The following CMIP variants were observed in gnomAD, a reference collection of about 807,000 sequenced individuals.
The protein encoded by CMIP is C-Maf-inducing protein.
Under a neutral mutation model 97.3 loss-of-function variants are expected in CMIP, and 13 were observed. The ratio of observed to expected loss-of-function variants is 0.13; its 90% CI spans 0.09 to 0.21. The LOEUF (loss-of-function observed/expected upper bound fraction) is 0.21, where lower values mean the gene tolerates loss of function less well. Among genes scored for constraint, CMIP ranks in the 10% least tolerant of loss-of-function variants. The probability of loss-of-function intolerance (pLI) is 1.00; values close to 1 mark genes in which losing one functional copy is unlikely to be tolerated. For missense variants in CMIP, 847 were observed against 1,024.9 expected, an observed-to-expected ratio of 0.83 and a Z score of 2.37; for synonymous variants, 538 against 436.3, an observed-to-expected ratio of 1.23 and a Z score of -2.91.
At chr16:81,596,196 T>C (rs1392015354) in intron 1 of CMIP, among the ~76,000 whole-genome samples, 3 of 152,138 alleles carry the variant, frequency 2.0e-5, no homozygotes, top group Non-Finnish European at 2.9e-5. Flanking sequence ...CTCTAGAAAA[T>C]CTGATTTATT....
intron 10 of CMIP, among the ~76,000 whole-genome samples, chr16:81,686,814 G>A (rs7200953): frequency 0.011 from 1,610 of 152,266 alleles, 23 homozygotes; most frequent in African/African-American, 0.037. Flanking sequence ...TCTATGTAAG[G>A]CACAGTTAGA....
intron 13 of CMIP, chr16:81,696,223 G>A (rs923179761): frequency 4.9e-5 from 19 of 390,796 alleles, no homozygotes; most frequent in African/African-American, 3.8e-4. Context: ...AAAGGGAAAA[G>A]GGGCTGATTG....
At chr16:81,519,784 A>T (rs1028343839) in intron 1 of CMIP, 1 of 152,214 alleles carries the variant, frequency 6.6e-6, no homozygotes, top group African/African-American at 2.4e-5. Context: ...CATCATGGAG[A>T]TGCCTCAGTG....
chr16:81,510,821 G>C (rs934289553), intron 1 of CMIP, among the ~76,000 whole-genome samples: 3 of 152,176 alleles, frequency 2.0e-5, no homozygotes, highest in Admixed American at 1.3e-4. Context: ...CCAGGTTCAA[G>C]CAATTCTCCT....
intron 1 of CMIP, among the ~76,000 whole-genome samples, chr16:81,493,198 A>T (rs2089432236): frequency 6.6e-6 from 1 of 152,084 alleles, no homozygotes. Context: ...TTCAGGGGTG[A>T]TGGAGCCACC....
At chr16:81,553,935 G>A (rs1169965026) in intron 1 of CMIP, among the ~76,000 whole-genome samples, 1 of 152,212 alleles carries the variant, frequency 6.6e-6, no homozygotes, top group Non-Finnish European at 1.5e-5. Context: ...CACCCTCCTA[G>A]GCACTGGAGC....
intron 1 of CMIP, among the ~76,000 whole-genome samples, chr16:81,492,984 G>T (rs1226792210): frequency 6.6e-6 from 1 of 152,128 alleles, no homozygotes; most frequent in Non-Finnish European, 1.5e-5. Flanking sequence ...TAGTAGGAGG[G>T]CATTGCTCCC....
intron 1 of CMIP, among the ~76,000 whole-genome samples, chr16:81,547,110 C>T (rs1446801343): frequency 6.6e-6 from 1 of 152,128 alleles, no homozygotes; most frequent in Non-Finnish European, 1.5e-5. Context: ...TGCCTGGGCT[C>T]CCGGAGGCAG....
chr16:81,459,362 T>G (rs888302670), intron 1 of CMIP, among the ~76,000 whole-genome samples: 1 of 152,080 alleles, frequency 6.6e-6, no homozygotes, highest in African/African-American at 2.4e-5. Flanking sequence ...GCTGTGACCC[T>G]GCGCTGTGAC....
chr16:81,663,183 C>T (rs1027431541), intron 6 of CMIP, among the ~76,000 whole-genome samples: 1 of 151,854 alleles, frequency 6.6e-6, no homozygotes, highest in African/African-American at 2.4e-5. Context: ...CAAACATCTA[C>T]ATGCCGACGT....
intron 1 of CMIP, among the ~76,000 whole-genome samples, chr16:81,495,685 C>T (rs1431280986): frequency 2.0e-5 from 3 of 152,180 alleles, no homozygotes; most frequent in African/African-American, 7.2e-5. Flanking sequence ...GCTGAGACCC[C>T]AAAGCTGTGG....
At chr16:81,666,227 A>G (rs975476916) in intron 7 of CMIP, 1 of 152,210 alleles carries the variant, frequency 6.6e-6, no homozygotes, top group Non-Finnish European at 1.5e-5. Context: ...GGGCTGTGCC[A>G]TGCTGGAGTT....
At chr16:81,659,653 G>C (rs2092523508) in intron 5 of CMIP, among the ~76,000 whole-genome samples, 1 of 152,200 alleles carries the variant, frequency 6.6e-6, no homozygotes, top group South Asian at 2.1e-4. Context: ...CTGAGTGCCT[G>C]GAAGCCCTGG....
At chr16:81,708,513 C>G (rs1025319417) in intron 20 of CMIP, among the ~76,000 whole-genome samples, 1 of 152,206 alleles carries the variant, frequency 6.6e-6, no homozygotes, top group Non-Finnish European at 1.5e-5. Context: ...CACTTTCAGT[C>G]GATTTTTTTA....
chr16:81,698,572 G>A (rs1054967065), intron 14 of CMIP, among the ~76,000 whole-genome samples: 6 of 152,204 alleles, frequency 3.9e-5, no homozygotes, highest in Non-Finnish European at 7.3e-5. Flanking sequence ...GCAGACTCCC[G>A]AGGGGAGCAG....
At chr16:81,684,031 G>T (rs1905145426) in intron 10 of CMIP, among the ~76,000 whole-genome samples, 1 of 152,098 alleles carries the variant, frequency 6.6e-6, no homozygotes. Flanking sequence ...AAAGTGCTAG[G>T]ATTACAGGCG....
chr16:81,626,218 CGT>C (rs903834575), intron 3 of CMIP, among the ~76,000 whole-genome samples: 5 of 151,224 alleles, frequency 3.3e-5, no homozygotes, highest in African/African-American at 9.7e-5. Context: ...TGTGTGTGCG[CGT>C]GAGAATGTGT....
intron 14 of CMIP, among the ~76,000 whole-genome samples, chr16:81,699,335 T>C (rs541122661): frequency 9.9e-5 from 15 of 152,266 alleles, no homozygotes; most frequent in Non-Finnish European, 2.1e-4. Flanking sequence ...TTTTATTGCA[T>C]TTAGTATTAT....
At chr16:81,454,085 T>C (rs1261696337) in intron 1 of CMIP, among the ~76,000 whole-genome samples, 1 of 152,158 alleles carries the variant, frequency 6.6e-6, no homozygotes, top group Admixed American at 6.5e-5. Flanking sequence ...ATCTGGTTCC[T>C]GGGTTTGAGG....
Sources: gnomAD v4.1 joint callset for allele counts (sites outside exome capture counted in the v4.1 genomes callset) on GRCh38, gnomAD v4.1.1 for gene constraint, MANE v1.5 for transcripts, NCBI Gene and HGNC (gene_info 2026-07-23, HGNC 2026-07-21) for gene names.